SLC9A9: variants seen among roughly 807,000 people sequenced by gnomAD.
SLC9A9 encodes solute carrier family 9 member A9, also known as sodium/hydrogen exchanger 9.
A neutral mutation model predicts 77.8 loss-of-function variants in SLC9A9; 62 were observed. That is an observed-to-expected ratio of 0.80 (90% CI 0.65 to 0.98). SLC9A9 has a LOEUF of 0.98. SLC9A9 is among the 50% of genes least tolerant of loss of function. The probability of loss-of-function intolerance (pLI) is 0.00; values close to 1 mark genes in which losing one functional copy is unlikely to be tolerated. For missense variants in SLC9A9, 775 were observed against 774.9 expected, an observed-to-expected ratio of 1.00 and a Z score of 0.00; for synonymous variants, 320 against 283.5, an observed-to-expected ratio of 1.13 and a Z score of -1.29.
At chr3:143,817,242 A>G (rs4839665) in intron 2 of SLC9A9, among the ~76,000 whole-genome samples, 128,341 of 142,144 alleles carry the variant, frequency 0.9, 58,340 homozygotes, top group Middle Eastern at 0.97. Context: ...TCCGCTTCCC[A>G]GGTTCACGCC....
At chr3:143,618,906 G>C (rs563848523) in intron 6 of SLC9A9, among the ~76,000 whole-genome samples, 2 of 152,226 alleles carry the variant, frequency 1.3e-5, no homozygotes, top group African/African-American at 4.8e-5. Flanking sequence ...CTTCTGAAGA[G>C]AGAATTGGCA....
intron 13 of SLC9A9, chr3:143,371,986 A>G: frequency 4.8e-6 from 2 of 417,914 alleles, no homozygotes; most frequent in Non-Finnish European, 9.5e-6. Flanking sequence ...AAGAAAGATA[A>G]AATACCTAGG....
intron 5 of SLC9A9, among the ~76,000 whole-genome samples, chr3:143,679,742 T>G (rs763553237): frequency 6.6e-6 from 1 of 151,982 alleles, no homozygotes; most frequent in Non-Finnish European, 1.5e-5. Context: ...TGAGCAAAAG[T>G]GAAAAATAGC....
intron 6 of SLC9A9, among the ~76,000 whole-genome samples, chr3:143,622,082 AT>A (rs1382710859): frequency 6.6e-6 from 1 of 152,226 alleles, no homozygotes; most frequent in African/African-American, 2.4e-5. Flanking sequence ...ATAAAAAGAA[AT>A]GAACAAAGCC....
chr3:143,741,317 A>C (rs1482719813), intron 4 of SLC9A9, among the ~76,000 whole-genome samples: 2 of 152,208 alleles, frequency 1.3e-5, no homozygotes, highest in Non-Finnish European at 2.9e-5. Flanking sequence ...ACAGAAACCA[A>C]TAGAAGGAAA....
chr3:143,760,263 G>A (rs2108831514), intron 4 of SLC9A9, among the ~76,000 whole-genome samples: 1 of 152,238 alleles, frequency 6.6e-6, no homozygotes, highest in South Asian at 2.1e-4. Context: ...AAAACTGGAA[G>A]CATTCCCTTT....
intron 5 of SLC9A9, among the ~76,000 whole-genome samples, chr3:143,657,898 G>A (rs757151905): frequency 6.3e-4 from 96 of 151,628 alleles, no homozygotes; most frequent in Non-Finnish European, 1.2e-3. Context: ...ACTGAGTCTC[G>A]CTCTGTTGCC....
intron 9 of SLC9A9, among the ~76,000 whole-genome samples, chr3:143,514,053 A>T (rs112519661): frequency 0.02 from 3,077 of 151,858 alleles, 101 homozygotes; most frequent in African/African-American, 0.069. Flanking sequence ...TGTCCAAGTG[A>T]TCTCATTGTT....
At chr3:143,547,529 G>A (rs2036809607) in intron 9 of SLC9A9, among the ~76,000 whole-genome samples, 1 of 152,192 alleles carries the variant, frequency 6.6e-6, no homozygotes. Flanking sequence ...AAGGTCTCAA[G>A]TGTTTCCCCA....
intron 6 of SLC9A9, among the ~76,000 whole-genome samples, chr3:143,624,948 C>T (rs554179918): frequency 1.3e-5 from 2 of 152,268 alleles, no homozygotes; most frequent in East Asian, 3.9e-4. Context: ...GCAAAAATTA[C>T]AAGCATTCTT....
chr3:143,735,813 G>C (rs1169750599), intron 4 of SLC9A9, among the ~76,000 whole-genome samples: 1 of 152,216 alleles, frequency 6.6e-6, no homozygotes, highest in Non-Finnish European at 1.5e-5. Flanking sequence ...ATAGAGACAT[G>C]AGTTCAAGTC....
Position 143,266,734 on chromosome 3 carries a change from C to T in SLC9A9, c.1906G>A (p.Glu636Lys). Residue 636 changes from glutamate to lysine, a missense_variant, in exon 16 of 16, where the codon GAG becomes AAG. Transcript: ENST00000316549. ...LGLGGYELKL[E>K]QTLGQSQLN is the part of the protein sequence containing the mutation. ...AACTGGGATTGACCCAAAGTTTGCTCAAGCTTGAGTTCATAGCCTCCCAGG... is the reference window on the plus strand; with the variant it reads ...AACTGGGATTGACCCAAAGTTTGCTTAAGCTTGAGTTCATAGCCTCCCAGG... 1 of 1,614,168 alleles carries T rather than the reference C, an allele frequency of 6.2e-7. No homozygotes were observed. The highest frequency in any genetic ancestry group is 8.5e-7 in the Non-Finnish European group (1 of 1,180,032).
At chr3:143,543,777 T>TTTTTTTTTTTTTTTTTGAG (rs1203062088) in intron 9 of SLC9A9, among the ~76,000 whole-genome samples, 1 of 152,132 alleles carries the variant, frequency 6.6e-6, no homozygotes, top group African/African-American at 2.4e-5. Flanking sequence ...ACATTTTCTT[T>TTTTTTTTTTTTTTTTTGAG]ATCCAGTCCA....
At chr3:143,728,843 G>A (rs1934730049) in intron 4 of SLC9A9, among the ~76,000 whole-genome samples, 1 of 151,982 alleles carries the variant, frequency 6.6e-6, no homozygotes, top group Non-Finnish European at 1.5e-5. Context: ...TCAAGCTCTG[G>A]CAACGAGATG....
chr3:143,841,208 GCA>G (rs146636138), intron 1 of SLC9A9, among the ~76,000 whole-genome samples: 3 of 151,030 alleles, frequency 2.0e-5, no homozygotes, highest in Non-Finnish European at 3.0e-5. Context: ...ATACACACAC[GCA>G]CACACACACA....
intron 14 of SLC9A9, among the ~76,000 whole-genome samples, chr3:143,326,330 T>C (rs1429795305): frequency 6.6e-6 from 1 of 152,154 alleles, no homozygotes. Flanking sequence ...ATTATTCCCT[T>C]CCTTAAAACT....
intron 4 of SLC9A9, among the ~76,000 whole-genome samples, chr3:143,782,765 G>A (rs541651967): frequency 7.9e-5 from 12 of 152,314 alleles, no homozygotes; most frequent in African/African-American, 2.6e-4. Context: ...GCAATTAAAA[G>A]TTATTGATTA....
intron 11 of SLC9A9, among the ~76,000 whole-genome samples, chr3:143,476,338 A>C (rs1030992331): frequency 9.9e-5 from 15 of 152,184 alleles, no homozygotes; most frequent in Admixed American, 7.2e-4. Context: ...TCTCTTCCTG[A>C]ATTTGAATCA....
chr3:143,366,341 G>C (rs572103096), intron 13 of SLC9A9, among the ~76,000 whole-genome samples: 5 of 152,308 alleles, frequency 3.3e-5, no homozygotes, highest in African/African-American at 9.6e-5. Context: ...AGGGATTTTA[G>C]AGAGTCCTAG....
Sources: allele counts gnomAD v4.1 joint callset (sites outside exome capture counted in the v4.1 genomes callset), GRCh38; gene constraint gnomAD v4.1.1; transcripts MANE v1.5; gene names NCBI Gene and HGNC (gene_info 2026-07-23, HGNC 2026-07-21).